LCA5: variants seen among roughly 807,000 people sequenced by gnomAD.
LCA5 encodes lebercilin.
LCA5 carries 37 observed loss-of-function variants against 53.0 expected under a neutral mutation model. The ratio of observed to expected loss-of-function variants is 0.70; its 90% CI spans 0.54 to 0.92. The LOEUF (loss-of-function observed/expected upper bound fraction) is 0.92. Among genes scored for constraint, LCA5 ranks in the 40% least tolerant of loss-of-function variants. The pLI, the probability that LCA5 is intolerant of heterozygous loss-of-function variation, is 0.00. For missense variants in LCA5, 806 were observed against 790.5 expected, an observed-to-expected ratio of 1.02 and a Z score of -0.23; for synonymous variants, 303 against 282.9, an observed-to-expected ratio of 1.07 and a Z score of -0.71.
chr6:79,513,305 G>C lies in LCA5; in HGVS notation c.627C>G (p.Ile209Met), dbSNP rs1282122726. ...GTTCAGGTAGGTGTCTAGCTTCAGA[G>C]ATCTCTTTCAGTTTCTGTAAGGAAA... Reference protein sequence around the residue: ...TKFSLQKLKEISEARHLPERD... With the variant: ...TKFSLQKLKEMSEARHLPERD... Residue 209 changes from isoleucine (I) to methionine (M), a missense_variant, in exon 3 of 8, where the codon ATC becomes ATG. Ile to Met is a conservative substitution (Grantham distance 10, BLOSUM62 1). Coordinates refer to ENST00000369846, the MANE Select transcript of LCA5 (RefSeq NM_001122769.3). 2 of 1,613,604 alleles carry C rather than the reference G, an allele frequency of 1.2e-6. No homozygotes were observed. Among genetic ancestry groups the C allele is most frequent in the Admixed American group, 1.7e-5 (1 of 59,986 alleles).
At position 79,493,643 on chromosome 6, in the gene LCA5, C is replaced by G; in HGVS notation, c.828G>C (p.Lys276Asn). Residue 276 changes from lysine to asparagine, a missense_variant, in exon 4 of 8, where the codon AAG (lysine) becomes AAC (asparagine). Lys to Asn is a moderately conservative substitution (Grantham distance 94). Coordinates refer to ENST00000369846, the MANE Select transcript of LCA5 (RefSeq NM_001122769.3). Reference sequence around the variant, plus strand: ...ATTTGTGATATAGTCGCTGTACCTCCTTTTGAAGAACTTTATTTTCATCAT... The same window carrying G: ...ATTTGTGATATAGTCGCTGTACCTCGTTTTGAAGAACTTTATTTTCATCAT... Reference protein sequence around the residue: ...EAHDENKVLQKEVQRLYHKLK... With the variant: ...EAHDENKVLQNEVQRLYHKLK... 6.2e-7 allele frequency: 1 copy of G among 1,613,642 alleles called. No individual in the cohort carries two copies. The highest frequency in any genetic ancestry group is 8.5e-7 in the Non-Finnish European group (1 of 1,179,652).
intron 3 of LCA5, among the ~76,000 whole-genome samples, chr6:79,497,633 T>C (rs1770017204): frequency 6.6e-6 from 1 of 152,186 alleles, no homozygotes; most frequent in African/African-American, 2.4e-5. Context: ...CAATTCAGTA[T>C]AATACTTGAC....
intron 6 of LCA5, among the ~76,000 whole-genome samples, chr6:79,490,758 C>A (rs962708052): frequency 6.6e-6 from 1 of 152,024 alleles, no homozygotes; most frequent in Non-Finnish European, 1.5e-5. Flanking sequence ...CAAGAAGAGA[C>A]CTCAGGGTCA....
At chr6:79,536,538 A>ACT (rs1767128805) in intron 1 of LCA5, among the ~76,000 whole-genome samples, 1 of 152,050 alleles carries the variant, frequency 6.6e-6, no homozygotes, top group Non-Finnish European at 1.5e-5. Context: ...CTGAGTACCG[A>ACT]CTCCAACTCG....
chr6:79,504,367 A>C (rs1182622285), intron 3 of LCA5, among the ~76,000 whole-genome samples: 1 of 152,216 alleles, frequency 6.6e-6, no homozygotes, highest in Admixed American at 6.5e-5. Flanking sequence ...TATTTGAGCC[A>C]ATTCACAAAC....
chr6:79,512,053 T>C (rs534470030), intron 3 of LCA5, among the ~76,000 whole-genome samples: 1 of 152,308 alleles, frequency 6.6e-6, no homozygotes, highest in East Asian at 1.9e-4. Flanking sequence ...CTATTTATCA[T>C]ATTTATTAAT....
chr6:79,521,358 A>T (rs1582648268), intron 1 of LCA5, among the ~76,000 whole-genome samples: 1 of 152,364 alleles, frequency 6.6e-6, no homozygotes, highest in East Asian at 1.9e-4. Flanking sequence ...CAAATTAACC[A>T]GTTCGAATGA....
intron 1 of LCA5, among the ~76,000 whole-genome samples, chr6:79,523,719 T>C (rs563394819): frequency 9.2e-5 from 14 of 152,244 alleles, no homozygotes; most frequent in Non-Finnish European, 1.6e-4. Context: ...GAACTCCCTA[T>C]CCTATCTAAA....
chr6:79,489,066 A>G lies in LCA5; in HGVS notation c.1231+18T>C. On this transcript the variant is annotated intron_variant, in intron 7 of 7. Transcript: ENST00000369846. ...GGATGCTGACTTGTCACATGCTTAA[A>G]CAAACTCTTTTTCTTACCATCCTCC... 1 of 1,612,424 alleles carries G rather than the reference A, an allele frequency of 6.2e-7. No individual in the cohort carries two copies. The highest frequency in any genetic ancestry group is 1.1e-5 in the South Asian group (1 of 91,074).
rs9448736 is a variant in LCA5 at position 79,512,120 on chromosome 6, C to A, written c.720+1092G>T. Among the ~76,000 whole-genome samples, 898 of 152,212 alleles carry A rather than the reference C, an allele frequency of 5.9e-3. 9 individuals carry two copies. Among genetic ancestry groups the A allele is most frequent in the African/African-American group, 0.021 (858 of 41,542 alleles). On this transcript the variant is annotated intron_variant, in intron 3 of 7. Transcript: ENST00000369846. ...CCATTATGTGGCACATTTTATGCTT[C>A]CCTTTAAAAATAATTAAAATGTCAG...
At position 79,493,743 on chromosome 6, in the gene LCA5, G is replaced by A. The variant is rs112706780; in HGVS notation, c.728C>T (p.Ser243Leu). The change falls in exon 4 of 8, where the codon TCG becomes TTG. Residue 243 changes from serine (S) to leucine (L), a missense_variant. Ser to Leu is a moderately radical substitution (Grantham distance 145). Coordinates refer to ENST00000369846, the MANE Select transcript of LCA5 (RefSeq NM_001122769.3). ...DDTERRIKEL[S>L]KNLELSTNSF... is the part of the protein sequence containing the mutation. Reference sequence around the variant, plus strand: ...GTTAGTACTCAGTTCAAGGTTTTTCGATAGCTCCTATATGTATAAATACAT... The same window carrying A: ...GTTAGTACTCAGTTCAAGGTTTTTCAATAGCTCCTATATGTATAAATACAT... 5.6e-6 allele frequency: 9 copies of A among 1,611,786 alleles called. No homozygotes were observed. The highest frequency in any genetic ancestry group is 4.0e-5 in the African/African-American group (3 of 74,796).
At chr6:79,504,107 A>G (rs1582630514) in intron 3 of LCA5, among the ~76,000 whole-genome samples, 1 of 152,214 alleles carries the variant, frequency 6.6e-6, no homozygotes, top group East Asian at 1.9e-4. Context: ...TGAAGAATTT[A>G]ACTTTGATCC....
intron 1 of LCA5, among the ~76,000 whole-genome samples, chr6:79,532,993 A>G (rs186487798): frequency 1.4e-4 from 22 of 152,278 alleles, no homozygotes; most frequent in Admixed American, 1.2e-3. Flanking sequence ...AAATAATTGC[A>G]TAAGAATTAC....
intron 2 of LCA5, among the ~76,000 whole-genome samples, chr6:79,514,317 G>A (rs535407969): frequency 5.9e-5 from 9 of 152,096 alleles, no homozygotes; most frequent in East Asian, 5.8e-4. Flanking sequence ...ATGAGATACC[G>A]TCGCACATCA....
intron 1 of LCA5, among the ~76,000 whole-genome samples, chr6:79,524,231 T>C (rs2655703): frequency 0.15 from 22,715 of 152,154 alleles, 2,017 homozygotes; most frequent in African/African-American, 0.24. Context: ...GGAATTACTT[T>C]TATTGAATTC....
At chr6:79,536,470 C>G (rs1026098396) in intron 1 of LCA5, among the ~76,000 whole-genome samples, 2 of 152,198 alleles carry the variant, frequency 1.3e-5, no homozygotes, top group Admixed American at 1.3e-4. Context: ...TGAACTGGAC[C>G]AGGGCTCTTC....
chr6:79,526,539 G>A (rs1294782794), intron 1 of LCA5, among the ~76,000 whole-genome samples: 5 of 152,032 alleles, frequency 3.3e-5, no homozygotes, highest in Non-Finnish European at 4.4e-5. Context: ...GCGAGACACC[G>A]TCTCAAAAAA....
chr6:79,498,709 G>T (rs1015265963), intron 3 of LCA5, among the ~76,000 whole-genome samples: 2 of 151,676 alleles, frequency 1.3e-5, no homozygotes, highest in African/African-American at 4.8e-5. Flanking sequence ...ATATTAAGAA[G>T]AATTTTTTTT....
chr6:79,524,184 C>T (rs2127686080), intron 1 of LCA5, among the ~76,000 whole-genome samples: 1 of 152,240 alleles, frequency 6.6e-6, no homozygotes, highest in Admixed American at 6.5e-5. Context: ...TAATTTAAAC[C>T]AACTACATTC....
Sources: gnomAD v4.1 joint callset for allele counts (sites outside exome capture counted in the v4.1 genomes callset) on GRCh38, gnomAD v4.1.1 for gene constraint, MANE v1.5 for transcripts, NCBI Gene and HGNC (gene_info 2026-07-23, HGNC 2026-07-21) for gene names.